SLIT3: variants seen among roughly 807,000 people sequenced by gnomAD.
SLIT3 encodes the protein slit homolog 3 protein.
A neutral mutation model predicts 184.0 loss-of-function variants in SLIT3; 68 were observed. The ratio of observed to expected loss-of-function variants is 0.37; its 90% CI spans 0.30 to 0.45. SLIT3 has a LOEUF of 0.45. Ranked by LOEUF, SLIT3 falls within the 20% of genes least tolerant of loss-of-function variation. The pLI, the probability that SLIT3 is intolerant of heterozygous loss-of-function variation, is 1.00. For missense variants in SLIT3, 1,707 were observed against 2,026.0 expected (o/e 0.84, Z 3.02); for synonymous variants, 831 against 828.6 (o/e 1.00, Z -0.05).
intron 4 of SLIT3, among the ~76,000 whole-genome samples, chr5:169,003,294 T>C (rs546753345): frequency 1.3e-5 from 2 of 152,358 alleles, no homozygotes; most frequent in East Asian, 1.9e-4. Context: ...ATATGGGCCC[T>C]AGCTTCTGGG....
At chr5:168,864,324 T>C (rs1279838848) in intron 5 of SLIT3, among the ~76,000 whole-genome samples, 1 of 152,202 alleles carries the variant, frequency 6.6e-6, no homozygotes, top group East Asian at 1.9e-4. Flanking sequence ...ATATTATATA[T>C]AAAGATCAAC....
rs1251122050 is a variant in SLIT3 at position 168,669,649 on chromosome 5, G to A, written c.4336+134C>T. The stretch of plus-strand genomic sequence containing the variant: ...CCTCCGTTTTCAAGTTGAGGGAATT[G>A]AGGCTCAGAAAGTGACTGAACCAAG... On this transcript the variant is annotated intron_variant, in intron 35 of 35. Transcript: ENST00000519560. The A allele has an allele frequency of 1.0e-5, 7 of 688,294 alleles. No individual in the cohort carries two copies. In the African/African-American group the frequency reaches 1.2e-4, roughly 12 times the overall value. The allele number at this position is 688,294 out of a possible 1,614,324, so 42.6% of individuals were successfully genotyped here. A position where few individuals can be genotyped will look rare whatever the true frequency, so the allele number is the denominator to read the frequency against.
At chr5:168,872,217 A>C (rs1759547508) in intron 5 of SLIT3, among the ~76,000 whole-genome samples, 1 of 152,240 alleles carries the variant, frequency 6.6e-6, no homozygotes, top group African/African-American at 2.4e-5. Context: ...GCATGATTAA[A>C]AGCTCACACT....
At chr5:168,935,762 G>A (rs1762139651) in intron 4 of SLIT3, among the ~76,000 whole-genome samples, 1 of 152,338 alleles carries the variant, frequency 6.6e-6, no homozygotes, top group South Asian at 2.1e-4. Context: ...ATGACATTCT[G>A]TTCTAAGCTC....
intron 4 of SLIT3, among the ~76,000 whole-genome samples, chr5:168,884,905 C>T (rs553322036): frequency 1.2e-4 from 18 of 152,088 alleles, no homozygotes; most frequent in South Asian, 2.1e-4. Context: ...AGTTGACCTA[C>T]GGACAGATTG....
chr5:168,683,519 G>A (rs1054534492), intron 32 of SLIT3, among the ~76,000 whole-genome samples: 2 of 152,170 alleles, frequency 1.3e-5, no homozygotes, highest in African/African-American at 4.8e-5. Flanking sequence ...CCTTCAGGAT[G>A]GTTTGAAAGT....
At chr5:169,207,690 C>T (rs1764121580) in intron 3 of SLIT3, among the ~76,000 whole-genome samples, 1 of 152,144 alleles carries the variant, frequency 6.6e-6, no homozygotes, top group Non-Finnish European at 1.5e-5. Flanking sequence ...TTGTGTTCCC[C>T]TGTGCTATGG....
chr5:169,041,256 C>T (rs538840178), intron 4 of SLIT3, among the ~76,000 whole-genome samples: 12 of 152,294 alleles, frequency 7.9e-5, no homozygotes, highest in East Asian at 1.9e-4. Context: ...AAACATATAC[C>T]GAGCACATAG....
chr5:168,768,476 C>A (rs1561922153), intron 14 of SLIT3, among the ~76,000 whole-genome samples: 1 of 152,124 alleles, frequency 6.6e-6, no homozygotes, highest in Non-Finnish European at 1.5e-5. Flanking sequence ...TCACTGGATG[C>A]CCATACTCGG....
chr5:168,762,255 G>A (rs909508152), intron 15 of SLIT3, among the ~76,000 whole-genome samples: 13 of 152,206 alleles, frequency 8.5e-5, no homozygotes, highest in African/African-American at 2.7e-4. Context: ...GGGACTACCT[G>A]CTCTGCTCTG....
intron 3 of SLIT3, among the ~76,000 whole-genome samples, chr5:169,243,787 G>C (rs1765484312): frequency 6.6e-6 from 1 of 152,204 alleles, no homozygotes; most frequent in Non-Finnish European, 1.5e-5. Flanking sequence ...GCCGTGAGCT[G>C]TTGCAGCTTC....
rs144797731 is a variant in SLIT3 at position 168,680,556 on chromosome 5, C to T, written c.3686+3410G>A. ...CCCAGTTAGAATAGCTTTGGCTGGG[C>T]TCCCTGACTCTGGCCCTGAGGCCAA... On this transcript the variant is annotated intron_variant, in intron 32 of 35. Coordinates refer to ENST00000519560, the MANE Select transcript of SLIT3 (RefSeq NM_003062.4). Among the ~76,000 whole-genome samples, 493 of 152,348 alleles carry T rather than the reference C, an allele frequency of 3.2e-3. 2 individuals are homozygous for T. The highest frequency in any genetic ancestry group is 0.011 in the African/African-American group (466 of 41,588).
chr5:169,252,319 T>A (rs1176962598), intron 1 of SLIT3, among the ~76,000 whole-genome samples: 5 of 152,210 alleles, frequency 3.3e-5, no homozygotes, highest in South Asian at 2.1e-4. Context: ...CATGGATTAC[T>A]CCTGCCTCAA....
chr5:168,665,120 C>A lies in SLIT3; in HGVS notation c.*1334G>T, dbSNP rs1044621648. 1 of 152,274 alleles carries A rather than the reference C, an allele frequency of 6.6e-6. No homozygotes were observed. Among genetic ancestry groups the A allele is most frequent in the African/African-American group, 2.4e-5 (1 of 41,446 alleles). The allele number at this position is 152,274 out of a possible 1,614,324, so 9.4% of individuals were successfully genotyped here. ...GTCTGGACTTCTGGTCTGGCTCCTCCACTTATCTGGTGTGTGGCTTAAGGC... is the reference window on the plus strand; with the variant it reads ...GTCTGGACTTCTGGTCTGGCTCCTCAACTTATCTGGTGTGTGGCTTAAGGC... On this transcript the variant is annotated 3_prime_UTR_variant, in exon 36 of 36. Coordinates refer to ENST00000519560, the MANE Select transcript of SLIT3 (RefSeq NM_003062.4).
intron 6 of SLIT3, among the ~76,000 whole-genome samples, chr5:168,839,939 C>A (rs531920192): frequency 2.3e-4 from 35 of 152,290 alleles, no homozygotes; most frequent in Admixed American, 8.5e-4. Flanking sequence ...GTGAACCAGG[C>A]GAGGTGCTCA....
At chr5:169,159,554 T>C (rs1276726627) in intron 4 of SLIT3, among the ~76,000 whole-genome samples, 1 of 150,472 alleles carries the variant, frequency 6.6e-6, no homozygotes, top group Non-Finnish European at 1.5e-5. Flanking sequence ...GGTGGGCGGA[T>C]CACAAGGTCA....
chr5:168,776,103 C>T (rs1263857134), intron 12 of SLIT3, among the ~76,000 whole-genome samples: 1 of 152,212 alleles, frequency 6.6e-6, no homozygotes, highest in Non-Finnish European at 1.5e-5. Flanking sequence ...GGGAATGACA[C>T]ATGAGATGGA....
intron 4 of SLIT3, among the ~76,000 whole-genome samples, chr5:169,092,434 C>T (rs1759628035): frequency 6.6e-6 from 1 of 152,152 alleles, no homozygotes; most frequent in African/African-American, 2.4e-5. Context: ...CCATTGTATT[C>T]CATCCCATTC....
chr5:168,922,908 C>T (rs145077895), intron 4 of SLIT3, among the ~76,000 whole-genome samples: 4 of 152,244 alleles, frequency 2.6e-5, no homozygotes, highest in South Asian at 2.1e-4. Context: ...GAAGTGATTT[C>T]GACAAACATT....
Sources: gnomAD v4.1 joint callset for allele counts (sites outside exome capture counted in the v4.1 genomes callset) on GRCh38, gnomAD v4.1.1 for gene constraint, MANE v1.5 for transcripts, NCBI Gene and HGNC (gene_info 2026-07-23, HGNC 2026-07-21) for gene names.